Variants in CD8B2 observed in about 807,000 individuals in gnomAD.
The protein encoded by CD8B2 is T-cell surface glycoprotein CD8 beta-2 chain.
Under a neutral mutation model 23.7 loss-of-function variants are expected in CD8B2, and 11 were observed. That is an observed-to-expected ratio of 0.46 (90% CI 0.29 to 0.77). The LOEUF (loss-of-function observed/expected upper bound fraction) is 0.77. CD8B2 is among the 30% of genes least tolerant of loss of function. CD8B2 has a pLI of 0.09. For synonymous variants in CD8B2, 90 were observed against 109.3 expected, an observed-to-expected ratio of 0.82 and a Z score of 1.10; for missense variants, 197 against 270.5, an observed-to-expected ratio of 0.73 and a Z score of 1.91.
Position 106,508,777 on chromosome 2 carries a change from G to A in CD8B2, c.*1837G>A, listed in dbSNP as rs77469318. 0.033 allele frequency: 5,055 copies of A among 152,304 alleles called. 101 individuals carry two copies. The highest frequency in any genetic ancestry group is 0.039 in the African/African-American group (1,624 of 41,576). 9.4% of individuals were successfully genotyped at this position (152,304 alleles called of 1,614,324 possible). A position where few individuals can be genotyped will look rare whatever the true frequency, so the allele number is the denominator to read the frequency against. ...CCCTATGCGGATGAAGGGATGGCCC[G>A]TGCTTGGTCTGTGGTCAATCCAGGG... On this transcript the variant is annotated 3_prime_UTR_variant, in exon 6 of 6. Transcript: ENST00000643224.
intron 5 of CD8B2, chr2:106,521,464 T>G (rs1679824750): frequency 1.3e-5 from 2 of 152,164 alleles, no homozygotes; most frequent in Admixed American, 6.6e-5. Flanking sequence ...GAAAATGATA[T>G]GGGGGCTGCT....
intron 5 of CD8B2, among the ~76,000 whole-genome samples, chr2:106,534,023 A>G (rs1680049168): frequency 6.6e-6 from 1 of 152,204 alleles, no homozygotes; most frequent in Non-Finnish European, 1.5e-5. Flanking sequence ...GTCCTACATA[A>G]ATTTTCACAT....
At chr2:106,493,861 T>TA (rs1019221732) in intron 2 of CD8B2, among the ~76,000 whole-genome samples, 1 of 152,210 alleles carries the variant, frequency 6.6e-6, no homozygotes, top group Non-Finnish European at 1.5e-5. Flanking sequence ...GGCTTCCTCC[T>TA]GGATAAAATG....
chr2:106,499,553 C>T (rs1333201729), intron 3 of CD8B2, among the ~76,000 whole-genome samples: 2 of 143,400 alleles, frequency 1.4e-5, no homozygotes, highest in African/African-American at 5.1e-5. Flanking sequence ...AAAAAAAAAC[C>T]TTAGTTGAGA....
intron 2 of CD8B2, among the ~76,000 whole-genome samples, chr2:106,493,378 CAAG>C (rs1679232078): frequency 6.6e-6 from 1 of 152,144 alleles, no homozygotes; most frequent in African/African-American, 2.4e-5. Context: ...TGGCTCTAGG[CAAG>C]AAGAATTTAA....
At chr2:106,535,452 AG>A (rs1484088313) in intron 5 of CD8B2, 1 of 141,802 alleles carries the variant, frequency 7.1e-6, no homozygotes, top group African/African-American at 2.9e-5. Flanking sequence ...GTCCTTGTGT[AG>A]GAAATTGAAG....
intron 5 of CD8B2, among the ~76,000 whole-genome samples, chr2:106,524,946 C>T (rs1404064810): frequency 4.6e-5 from 7 of 152,150 alleles, no homozygotes; most frequent in Non-Finnish European, 1.0e-4. Context: ...TATTTCTCTT[C>T]ATCTACTCTC....
rs201238660 is a variant in CD8B2 at position 106,491,196 on chromosome 2, C to T, written c.366C>T (p.Pro122=). 7.4e-6 allele frequency: 12 copies of T among 1,611,530 alleles called. No individual in the cohort carries two copies. Among genetic ancestry groups the T allele is most frequent in the African/African-American group, 5.3e-5 (4 of 74,860 alleles). ...GIYFCMIVGS[P]ELTFGKGTQL... ...ACTTCTGCATGATCGTCGGGAGCCC[C>T]GAGCTGACCTTCGGGAAGGGAACTC... The change falls in exon 2 of 6, where the codon CCC becomes CCT. Residue 122 remains proline (P), a synonymous_variant. Transcript: ENST00000643224.
chr2:106,502,227 G>A (rs1430741635), intron 3 of CD8B2, among the ~76,000 whole-genome samples: 3 of 144,118 alleles, frequency 2.1e-5, no homozygotes, highest in East Asian at 2.0e-4. Flanking sequence ...CCCAGGAGGC[G>A]GAAGTTGCAG....
chr2:106,528,020 C>A (rs919740423), intron 5 of CD8B2, among the ~76,000 whole-genome samples: 9 of 152,182 alleles, frequency 5.9e-5, no homozygotes, highest in Non-Finnish European at 8.8e-5. Flanking sequence ...GCTCAAGGAC[C>A]GCTAAACGTG....
intron 5 of CD8B2, 45 bp downstream of exon 5, chr2:106,504,370 C>T: frequency 6.4e-7 from 1 of 1,554,482 alleles, no homozygotes; most frequent in Non-Finnish European, 8.7e-7. Flanking sequence ...TCAGCCCCTG[C>T]TGCAGCTTGC....
chr2:106,491,576 C>T (rs561799448), intron 2 of CD8B2, among the ~76,000 whole-genome samples: 48 of 152,238 alleles, frequency 3.2e-4, no homozygotes, highest in Non-Finnish European at 5.4e-4. Flanking sequence ...GAGACAGAGC[C>T]TCACTGTGTT....
intron 3 of CD8B2, among the ~76,000 whole-genome samples, chr2:106,499,191 C>T (rs569088256): frequency 3.9e-5 from 6 of 152,188 alleles, no homozygotes; most frequent in South Asian, 2.1e-4. Context: ...GGAGCCCTGC[C>T]GCCCTGTACA....
chr2:106,517,817 G>A lies in CD8B2; in HGVS notation c.620+13492G>A, dbSNP rs1012034162. ...AAGCTCCGCCTCCCGGGTTCACGCC[G>A]TTCTCCTGCCTCAGCCTCCCAAGGA... On this transcript the variant is annotated intron_variant, in intron 5 of 5. Coordinates refer to the CD8B2 transcript ENST00000416057. Among the ~76,000 whole-genome samples the A allele has an allele frequency of 1.7e-4, 26 of 151,812 alleles. No homozygotes were observed. In the East Asian group the frequency reaches 3.3e-3, roughly 19 times the overall value.
At chr2:106,504,583 C>CA (rs1217077052) in intron 5 of CD8B2, among the ~76,000 whole-genome samples, 27 of 9,540 alleles carry the variant, frequency 2.8e-3, no homozygotes, top group Non-Finnish European at 1.3e-3. Context: ...GAGACCCCAT[C>CA]TAAAAAAAAA....
intron 1 of CD8B2, among the ~76,000 whole-genome samples, chr2:106,490,310 G>A (rs1679168536): frequency 6.6e-6 from 1 of 152,020 alleles, no homozygotes; most frequent in Non-Finnish European, 1.5e-5. Context: ...ACTGTAAGTG[G>A]GACTTTGAAC....
intron 3 of CD8B2, among the ~76,000 whole-genome samples, chr2:106,497,514 C>T (rs547887623): frequency 6.6e-6 from 1 of 152,262 alleles, no homozygotes; most frequent in East Asian, 1.9e-4. Flanking sequence ...CAGCAAAAGT[C>T]ACTGGTGACA....
intron 5 of CD8B2, among the ~76,000 whole-genome samples, chr2:106,522,770 TA>T (rs1679846966): frequency 6.6e-6 from 1 of 152,182 alleles, no homozygotes. Flanking sequence ...GCAGTTAATG[TA>T]GAATTATGTA....
At chr2:106,522,361 C>T (rs1475109640) in intron 5 of CD8B2, among the ~76,000 whole-genome samples, 2 of 152,074 alleles carry the variant, frequency 1.3e-5, no homozygotes, top group African/African-American at 2.4e-5. Context: ...ATAAAATTCC[C>T]CAAACATAGA....
Sources: allele counts gnomAD v4.1 joint callset (sites outside exome capture counted in the v4.1 genomes callset), GRCh38; gene constraint gnomAD v4.1.1; transcripts MANE v1.5; gene names NCBI Gene and HGNC (gene_info 2026-07-23, HGNC 2026-07-21).